CPS1: variants seen among roughly 807,000 people sequenced by gnomAD.
The protein encoded by CPS1 is carbamoyl-phosphate synthase [ammonia], mitochondrial.
CPS1 carries 109 observed loss-of-function variants against 174.6 expected under a neutral mutation model. The observed-to-expected ratio is 0.62, with a 90% CI of 0.53 to 0.73. The LOEUF (loss-of-function observed/expected upper bound fraction) is 0.73, where lower values mean the gene tolerates loss of function less well. CPS1 is among the 30% of genes least tolerant of loss of function. The probability of loss-of-function intolerance (pLI) is 0.00; values close to 1 mark genes in which losing one functional copy is unlikely to be tolerated. For synonymous variants in CPS1, 637 were observed against 632.0 expected (o/e 1.01, Z -0.12); for missense variants, 1,689 against 1,821.9 (o/e 0.93, Z 1.33).
At chr2:210,484,141 C>T (rs1348437541) in intron 1 of CPS1, among the ~76,000 whole-genome samples, 1 of 152,116 alleles carries the variant, frequency 6.6e-6, no homozygotes, top group East Asian at 1.9e-4. Flanking sequence ...CTGAGGCAGT[C>T]AGGGAGGTTT....
intron 1 of CPS1, among the ~76,000 whole-genome samples, chr2:210,559,680 G>A (rs1312245784): frequency 6.6e-6 from 1 of 152,114 alleles, no homozygotes; most frequent in Admixed American, 6.6e-5. Context: ...CAGTGTAATA[G>A]TGGGATATAC....
chr2:210,488,829 C>T (rs72932439), intron 1 of CPS1, among the ~76,000 whole-genome samples: 31,112 of 151,898 alleles, frequency 0.2, 3,721 homozygotes, highest in Middle Eastern at 0.34. Flanking sequence ...TAATTGTATT[C>T]CATAGCCAGA....
intron 31 of CPS1, among the ~76,000 whole-genome samples, chr2:210,659,186 A>T (rs1160299528): frequency 6.6e-6 from 1 of 152,172 alleles, no homozygotes; most frequent in African/African-American, 2.4e-5. Context: ...GAGTCTGGGT[A>T]ACTTGTAGAG....
chr2:210,528,764 G>T (rs1225736861), intron 1 of CPS1, among the ~76,000 whole-genome samples: 1 of 146,644 alleles, frequency 6.8e-6, no homozygotes, highest in East Asian at 2.1e-4. Context: ...AATAGAAAAA[G>T]ATCAAGAGGA....
At chr2:210,653,820 A>G (rs1700627335) in intron 28 of CPS1, among the ~76,000 whole-genome samples, 1 of 152,184 alleles carries the variant, frequency 6.6e-6, no homozygotes, top group South Asian at 2.1e-4. Context: ...TCAAAGTTGG[A>G]GAAAGACCCT....
intron 17 of CPS1, 70 bp from the exon 18 acceptor site, chr2:210,606,661 A>T: frequency 7.3e-7 from 1 of 1,371,818 alleles, no homozygotes; most frequent in Non-Finnish European, 1.0e-6. Context: ...TCGTGCAAGT[A>T]GATGGTTAAG....
At chr2:210,601,335 G>A (rs1698719732) in intron 15 of CPS1, among the ~76,000 whole-genome samples, 1 of 151,930 alleles carries the variant, frequency 6.6e-6, no homozygotes, top group East Asian at 2.0e-4. Flanking sequence ...CTGGTGAAGT[G>A]GAGGTGCTAG....
intron 1 of CPS1, among the ~76,000 whole-genome samples, chr2:210,563,251 A>G (rs1300297929): frequency 6.6e-6 from 1 of 152,078 alleles, no homozygotes; most frequent in Non-Finnish European, 1.5e-5. Context: ...TTACATACTG[A>G]ATGTTATGGC....
intron 33 of CPS1, among the ~76,000 whole-genome samples, chr2:210,663,890 A>T (rs1198884060): frequency 1.3e-5 from 2 of 152,192 alleles, no homozygotes; most frequent in African/African-American, 4.8e-5. Flanking sequence ...TCAGATTCTC[A>T]TCAGTGCATA....
intron 21 of CPS1, among the ~76,000 whole-genome samples, chr2:210,623,324 A>G (rs563746698): frequency 6.6e-6 from 1 of 152,220 alleles, no homozygotes; most frequent in African/African-American, 2.4e-5. Flanking sequence ...TGGAAGCTAA[A>G]ATTTGTATTT....
chr2:210,555,834 A>T (rs1574519263), upstream of CPS1, among the ~76,000 whole-genome samples: 1 of 152,142 alleles, frequency 6.6e-6, no homozygotes, highest in South Asian at 2.1e-4. Flanking sequence ...CTTTTTATTC[A>T]TGTTGAAATA....
chr2:210,596,243 G>A (rs546970681), intron 13 of CPS1, among the ~76,000 whole-genome samples: 5 of 152,002 alleles, frequency 3.3e-5, no homozygotes, highest in East Asian at 2.0e-4. Flanking sequence ...GAAAAATTCC[G>A]TTGTATATTT....
At chr2:210,560,279 A>G (rs1355306535) in intron 1 of CPS1, among the ~76,000 whole-genome samples, 1 of 152,064 alleles carries the variant, frequency 6.6e-6, no homozygotes, top group African/African-American at 2.4e-5. Flanking sequence ...AGTATACAGG[A>G]AGAATGATAA....
At chr2:210,482,995 A>C (rs1694615332) in intron 1 of CPS1, among the ~76,000 whole-genome samples, 1 of 152,184 alleles carries the variant, frequency 6.6e-6, no homozygotes, top group Non-Finnish European at 1.5e-5. Context: ...TCAACCAGAA[A>C]CTTAAACATA....
chr2:210,648,385 G>T (rs1700447919), intron 26 of CPS1, 88 bp from the exon 27 acceptor site: 2 of 1,116,900 alleles, frequency 1.8e-6, no homozygotes, highest in East Asian at 2.4e-5. Context: ...AAGAAGCTGG[G>T]CTACCACTCG....
At chr2:210,658,780 G>A in intron 31 of CPS1, 92 bp downstream of exon 31, 1 of 918,620 alleles carries the variant, frequency 1.1e-6, no homozygotes, top group Non-Finnish European at 1.8e-6. Flanking sequence ...GTGAACACCA[G>A]ACAAAGAGCA....
In CPS1 at chr2:210,674,918, G is replaced by T. The variant is rs1559140880; in HGVS notation, c.4118G>T (p.Arg1373Ile). Residue 1373 changes from arginine (R) to isoleucine (I), a missense_variant, in exon 35 of 38, where the codon AGA (arginine) becomes ATA (isoleucine). Coordinates refer to ENST00000233072, the MANE Select transcript of CPS1 (RefSeq NM_001875.5). ...CCTTTTCAGCAATCATTCCGGCCAA[G>T]ATTCCTTGGTGTGGCTGAACAATTA... ...LIGIQQSFRP[R>I]FLGVAEQLHN... The T allele has an allele frequency of 6.2e-7, 1 of 1,613,928 alleles. No homozygotes were observed. The highest frequency in any genetic ancestry group is 1.7e-5 in the Admixed American group (1 of 60,016).
intron 21 of CPS1, among the ~76,000 whole-genome samples, chr2:210,636,985 T>C (rs568354772): frequency 2.0e-5 from 3 of 152,278 alleles, no homozygotes; most frequent in East Asian, 3.9e-4. Flanking sequence ...AGAGGTAATT[T>C]AGGGAGAGGA....
upstream of CPS1, among the ~76,000 whole-genome samples, chr2:210,554,020 TCTC>T (rs541349068): frequency 3.7e-3 from 561 of 150,502 alleles, 5 homozygotes; most frequent in Middle Eastern, 6.9e-3. Flanking sequence ...ATTTCTGCCT[TCTC>T]CTCCTTCATT....
Sources: allele counts gnomAD v4.1 joint callset (sites outside exome capture counted in the v4.1 genomes callset), GRCh38; gene constraint gnomAD v4.1.1; transcripts MANE v1.5; gene names NCBI Gene and HGNC (gene_info 2026-07-23, HGNC 2026-07-21).